FAM83F: variants seen among roughly 807,000 people sequenced by gnomAD.
FAM83F encodes protein FAM83F.
In FAM83F, 45 loss-of-function variants were observed where a neutral mutation model predicts 42.9. That is an observed-to-expected ratio of 1.05 (90% CI 0.83 to 1.35). FAM83F has a LOEUF of 1.35. Among genes scored for constraint, FAM83F ranks in the 40% most tolerant of loss-of-function variants. The pLI is 0.00. For synonymous variants in FAM83F, 306 were observed against 298.3 expected (o/e 1.03, Z -0.27); for missense variants, 617 against 695.9 (o/e 0.89, Z 1.28).
In FAM83F at chr22:40,023,702, G is replaced by T. The variant is rs1209504056; in HGVS notation, c.1453+1739G>T. Among the ~76,000 whole-genome samples, 1 of 152,208 alleles carries T rather than the reference G, an allele frequency of 6.6e-6. No individual in the cohort carries two copies. Among genetic ancestry groups the T allele is most frequent in the African/African-American group, 2.4e-5 (1 of 41,456 alleles). On this transcript the variant is annotated intron_variant, in intron 4 of 4. Transcript: ENST00000333407. This position sits in a 1 kb window ranked among gnomAD's most constrained non-coding sequence, Gnocchi z 4.1. ...CTGCCGCTCTCTGGTGTCTGCACATGGTGCCCAGGAGCCAGCCTTGCAGAC... is the reference window on the plus strand; with the variant it reads ...CTGCCGCTCTCTGGTGTCTGCACATTGTGCCCAGGAGCCAGCCTTGCAGAC...
chr22:40,019,275 A>G lies in FAM83F; in HGVS notation c.597A>G (p.Ala199=), dbSNP rs771878928. The change falls in exon 2 of 5, where the codon GCA becomes GCG. Residue 199 remains alanine (A), a synonymous_variant. Transcript: ENST00000333407. ...RVPVYIILDE[A]GVKYFLEMCQ... is the part of the protein sequence containing the mutation. ...CAGTGTACATCATCCTGGACGAGGC[A>G]GGAGTGAAGTATTTCCTGGAGATGT... 1.2e-6 allele frequency: 2 copies of G among 1,614,166 alleles called. No homozygotes were observed. The highest frequency in any genetic ancestry group is 2.2e-5 in the South Asian group (2 of 91,078).
At chr22:40,018,503 A>G (rs148932603) in intron 1 of FAM83F, among the ~76,000 whole-genome samples, 1 of 152,096 alleles carries the variant, frequency 6.6e-6, no homozygotes, top group African/African-American at 2.4e-5. Flanking sequence ...CAATGGCACG[A>G]TCTCGGCTAA....
chr22:40,015,508 C>G (rs531016923), intron 1 of FAM83F, among the ~76,000 whole-genome samples: 33 of 152,304 alleles, frequency 2.2e-4, no homozygotes, highest in African/African-American at 7.5e-4. Context: ...CAGGCCCCTG[C>G]TAGGCCACGT....
intron 4 of FAM83F, among the ~76,000 whole-genome samples, chr22:40,022,934 T>C (rs1187782818): frequency 6.6e-6 from 1 of 152,200 alleles, no homozygotes; most frequent in East Asian, 1.9e-4. Flanking sequence ...GGAGCACAAG[T>C]GTCATCCCCT....
chr22:40,020,026 AAAG>A lies in FAM83F; in HGVS notation c.779+22_779+24del. 1 of 1,605,762 alleles carries A rather than the reference AAAG, an allele frequency of 6.2e-7. No homozygotes were observed. On this transcript the variant is annotated intron_variant, in intron 3 of 4. Transcript: ENST00000333407. ...TCTTACAGGTGAGTTGGGCCGGATC[AAAG>A]AAGGGCCCAGGAGGCCTTGATTCCA...
intron 1 of FAM83F, among the ~76,000 whole-genome samples, chr22:40,004,764 T>G (rs558107240): frequency 2.0e-4 from 30 of 152,172 alleles, no homozygotes; most frequent in Non-Finnish European, 3.8e-4. Context: ...TTTACAACAA[T>G]CTAGCAGCTT....
In FAM83F at chr22:40,036,011, C is replaced by T. The variant is rs1167287278; in HGVS notation, c.*6446C>T. On this transcript the variant is annotated 3_prime_UTR_variant, in exon 5 of 5. Transcript: ENST00000333407. ...CAGAGTTCAGGTTTCTTTTTTCTTT[C>T]TTTCTTTCTTTTTTGCTTTTTTAAG... The T allele has an allele frequency of 6.6e-6, 1 of 152,018 alleles. No homozygotes were observed. Among genetic ancestry groups the T allele is most frequent in the Non-Finnish European group, 1.5e-5 (1 of 68,018 alleles). The allele number at this position is 152,018 out of a possible 1,614,324, so 9.4% of individuals were successfully genotyped here.
intron 1 of FAM83F, among the ~76,000 whole-genome samples, chr22:40,006,836 G>A (rs962544256): frequency 1.3e-5 from 2 of 152,120 alleles, no homozygotes; most frequent in African/African-American, 2.4e-5. Flanking sequence ...TGCCAAGAGG[G>A]GAACAGTCAG....
At chr22:40,015,493 C>A (rs1295736270) in intron 1 of FAM83F, among the ~76,000 whole-genome samples, 1 of 152,162 alleles carries the variant, frequency 6.6e-6, no homozygotes, top group African/African-American at 2.4e-5. Flanking sequence ...GAAATGCTCC[C>A]CTTGCAGGCC....
rs2067603197 is a variant in FAM83F, at chr22:40,033,641, G to A, written c.*4076G>A. On this transcript the variant is annotated 3_prime_UTR_variant, in exon 5 of 5. Transcript: ENST00000333407. ...GATGAGACCACCAAAAATGTCTCCA[G>A]ATGTTACCACATGTCCCCTGGGGGG... 6.6e-6 allele frequency: 1 copy of A among 152,296 alleles called. No individual in the cohort carries two copies. The highest frequency in any genetic ancestry group is 1.9e-4 in the East Asian group (1 of 5,192). 9.4% of individuals were successfully genotyped at this position (152,296 alleles called of 1,614,324 possible).
At chr22:40,017,251 G>A (rs1427681753) in intron 1 of FAM83F, among the ~76,000 whole-genome samples, 2 of 130,848 alleles carry the variant, frequency 1.5e-5, no homozygotes, top group Non-Finnish European at 3.2e-5. Context: ...TTTTTGAGAC[G>A]GAGTCTCGCT....
intron 4 of FAM83F, among the ~76,000 whole-genome samples, chr22:40,025,379 A>C (rs190855972): frequency 1.3e-5 from 2 of 152,280 alleles, no homozygotes; most frequent in Admixed American, 1.3e-4. Flanking sequence ...TGATTGTGCC[A>C]CTGCACTCCA....
rs2067577285 is a variant in FAM83F, at chr22:40,029,937, GCTTCTC to G, written c.*376_*381del. On this transcript the variant is annotated 3_prime_UTR_variant, in exon 5 of 5. Transcript: ENST00000333407. ...TGGGGTGTCTGGGGCAGCTGCAGTG[GCTTCTC>G]CTTTCCCAGGCTTCCTGGTGCTTCT... is the stretch of plus-strand genomic sequence containing the variant. The G allele has an allele frequency of 1.1e-5, 2 of 180,538 alleles. No individual in the cohort carries two copies. Among genetic ancestry groups the G allele is most frequent in the African/African-American group, 4.7e-5 (2 of 42,420 alleles). The allele number at this position is 180,538 out of a possible 1,614,324, so 11.2% of individuals were successfully genotyped here.
At chr22:39,996,713 G>A (rs1269149831) in intron 1 of FAM83F, among the ~76,000 whole-genome samples, 4 of 152,164 alleles carry the variant, frequency 2.6e-5, no homozygotes. Flanking sequence ...TCCTGGAAGG[G>A]GTGATTTAGG....
At chr22:40,017,241 T>G (rs2067497368) in intron 1 of FAM83F, among the ~76,000 whole-genome samples, 3 of 149,726 alleles carry the variant, frequency 2.0e-5, no homozygotes, top group South Asian at 4.3e-4. Flanking sequence ...TTTTTTTTTT[T>G]TTTTGAGACG....
Position 40,032,568 on chromosome 22 carries a change from T to C in FAM83F, c.*3003T>C, listed in dbSNP as rs116685092. 1 of 151,750 alleles carries C rather than the reference T, an allele frequency of 6.6e-6. No homozygotes were observed. Among genetic ancestry groups the C allele is most frequent in the African/African-American group, 2.4e-5 (1 of 41,182 alleles). 9.4% of individuals were successfully genotyped at this position (151,750 alleles called of 1,614,324 possible). On this transcript the variant is annotated 3_prime_UTR_variant, in exon 5 of 5. Coordinates refer to ENST00000333407, the MANE Select transcript of FAM83F (RefSeq NM_138435.4). The stretch of plus-strand genomic sequence containing the variant: ...GGGAAAGTGGGCTATTTCTTTTTTT[T>C]TTTTCTTTTTTTTTTCTGAGACAGA...
chr22:40,024,461 A>T (rs2145722084), intron 4 of FAM83F, among the ~76,000 whole-genome samples: 1 of 152,322 alleles, frequency 6.6e-6, no homozygotes, highest in South Asian at 2.1e-4. Flanking sequence ...CACCGTGGGA[A>T]TCAGTGAGAA....
rs370219137 is a variant in FAM83F at position 40,020,503 on chromosome 22, C to T, written c.779+495C>T. On this transcript the variant is annotated intron_variant, in intron 3 of 4. Transcript: ENST00000333407. ...TCAGCCTCCCTAGTAGCCGGGATTA[C>T]AGGTGCCTACCACCATGCTCAGCTA... 1.3e-4 allele frequency among the ~76,000 whole-genome samples: 20 copies of T among 151,860 alleles called. 1 individual carries two copies. The highest frequency in any genetic ancestry group is 4.8e-4 in the African/African-American group (20 of 41,412).
intron 1 of FAM83F, among the ~76,000 whole-genome samples, chr22:40,014,021 TATTA>T (rs1569232856): frequency 2.0e-5 from 3 of 152,072 alleles, no homozygotes; most frequent in East Asian, 1.9e-4. Flanking sequence ...TGAATTCTCT[TATTA>T]ATTCTAATTG....
Sources: gnomAD v4.1 joint callset for allele counts (sites outside exome capture counted in the v4.1 genomes callset) on GRCh38, gnomAD v4.1.1 for gene constraint, Gnocchi (gnomAD v3.1) non-coding constraint, MANE v1.5 for transcripts, NCBI Gene and HGNC (gene_info 2026-07-23, HGNC 2026-07-21) for gene names.